The following SH3KBP1 variants were observed in gnomAD, a reference collection of about 807,000 sequenced individuals.
SH3KBP1 encodes the protein SH3 domain-containing kinase-binding protein 1.
A neutral mutation model predicts 50.1 loss-of-function variants in SH3KBP1; 8 were observed. That is an observed-to-expected ratio of 0.16 (90% CI 0.09 to 0.29). The LOEUF (loss-of-function observed/expected upper bound fraction) is 0.29. Among genes scored for constraint, SH3KBP1 ranks in the 10% least tolerant of loss-of-function variants. The pLI, the probability that SH3KBP1 is intolerant of heterozygous loss-of-function variation, is 1.00. For synonymous variants in SH3KBP1, 227 were observed against 218.6 expected, an observed-to-expected ratio of 1.04 and a Z score of -0.34; for missense variants, 377 against 535.2, an observed-to-expected ratio of 0.70 and a Z score of 2.92.
intron 13 of SH3KBP1, among the ~76,000 whole-genome samples, chrX:19,567,017 C>G (rs1175714900): frequency 1.8e-5 from 2 of 110,587 alleles, no homozygotes; most frequent in Non-Finnish European, 3.8e-5. Flanking sequence ...CATCGCACAT[C>G]TGTTTCTAAA....
intron 2 of SH3KBP1, among the ~76,000 whole-genome samples, chrX:19,749,952 C>T (rs2065015727): frequency 8.9e-6 from 1 of 112,051 alleles, no homozygotes; most frequent in African/African-American, 3.2e-5. Context: ...CACTATGGCC[C>T]TACTCAGACA....
At chrX:19,586,015 G>A (rs774932543) in intron 12 of SH3KBP1, among the ~76,000 whole-genome samples, 7 of 112,045 alleles carry the variant, frequency 6.2e-5, no homozygotes, top group South Asian at 3.7e-4. Context: ...CAGATGGCAC[G>A]CACTGTTAAG....
At chrX:19,818,849 A>G (rs1226047219) in intron 2 of SH3KBP1, among the ~76,000 whole-genome samples, 1 of 111,364 alleles carries the variant, frequency 9.0e-6, no homozygotes, top group African/African-American at 3.3e-5. Flanking sequence ...TTTTGTGTCT[A>G]TGTTCTTGAG....
chrX:19,886,287 C>T (rs1014534286), intron 1 of SH3KBP1, among the ~76,000 whole-genome samples: 1 of 112,336 alleles, frequency 8.9e-6, no homozygotes, highest in African/African-American at 3.2e-5. Flanking sequence ...ATTACCTGAA[C>T]ACAGAAAGGT....
At chrX:19,641,271 C>T (rs1427092121) in intron 7 of SH3KBP1, among the ~76,000 whole-genome samples, 1 of 112,030 alleles carries the variant, frequency 8.9e-6, no homozygotes, top group Non-Finnish European at 1.9e-5. Context: ...ACTCAGACTC[C>T]AGAACATGCT....
rs754009414 is a variant in SH3KBP1 at position 19,761,206 on chromosome X, G to C, written c.163-14765C>G. On this transcript the variant is annotated intron_variant, in intron 2 of 17. Transcript: ENST00000397821. Reference sequence around the variant, plus strand: ...GAGAAGAAAACAAGGAGGAGGGAGGGGGGGAAGAGAGAGAGGGAGGGAGAG... The same window carrying C: ...GAGAAGAAAACAAGGAGGAGGGAGGCGGGGAAGAGAGAGAGGGAGGGAGAG... 1.2e-3 allele frequency among the ~76,000 whole-genome samples: 84 copies of C among 69,338 alleles called. 1 individual carries two copies. The highest frequency in any genetic ancestry group is 4.3e-3 in the African/African-American group (80 of 18,479). The allele number at this position is 69,338 out of a possible 115,157, so 60.2% of individuals were successfully genotyped here.
intron 12 of SH3KBP1, among the ~76,000 whole-genome samples, chrX:19,583,629 C>T (rs2147936923): frequency 9.1e-6 from 1 of 109,830 alleles, no homozygotes; most frequent in East Asian, 2.8e-4. Context: ...TGTGCGTTTC[C>T]ACTTGCTCAG....
At chrX:19,656,232 A>G (rs1020787835) in intron 6 of SH3KBP1, among the ~76,000 whole-genome samples, 4 of 111,582 alleles carry the variant, frequency 3.6e-5, no homozygotes, top group Non-Finnish European at 7.5e-5. Context: ...AAAAGCAACC[A>G]GTAGTGATGA....
chrX:19,704,334 C>T (rs1159733926), intron 4 of SH3KBP1, among the ~76,000 whole-genome samples: 1 of 112,355 alleles, frequency 8.9e-6, no homozygotes, highest in African/African-American at 3.2e-5. Flanking sequence ...AAGCAATCAA[C>T]GTTCAGTTTC....
At chrX:19,778,096 T>C (rs763485718) in intron 2 of SH3KBP1, among the ~76,000 whole-genome samples, 3 of 111,286 alleles carry the variant, frequency 2.7e-5, no homozygotes, top group Non-Finnish European at 3.8e-5. Context: ...GGAAACACTA[T>C]AGCAGTGGAA....
chrX:19,778,982 A>T (rs992751065), intron 2 of SH3KBP1, among the ~76,000 whole-genome samples: 1 of 109,178 alleles, frequency 9.2e-6, no homozygotes, highest in Non-Finnish European at 1.9e-5. Flanking sequence ...ATTTTGTTCA[A>T]CAATGAAACC....
chrX:19,769,039 G>T (rs2065703143), intron 2 of SH3KBP1, among the ~76,000 whole-genome samples: 1 of 106,395 alleles, frequency 9.4e-6, no homozygotes. Flanking sequence ...CTTTATAATA[G>T]CATATTGAGC....
chrX:19,655,808 G>A (rs2062265088), intron 6 of SH3KBP1, among the ~76,000 whole-genome samples: 1 of 111,091 alleles, frequency 9.0e-6, no homozygotes, highest in Non-Finnish European at 1.9e-5. Flanking sequence ...ATGTACCCCC[G>A]ACCCTAAAAT....
At chrX:19,873,830 C>G (rs1399912707) in intron 1 of SH3KBP1, among the ~76,000 whole-genome samples, 1 of 107,423 alleles carries the variant, frequency 9.3e-6, no homozygotes, top group Non-Finnish European at 1.9e-5. Flanking sequence ...GGGTGGATCA[C>G]TTGAGGCCAG....
chrX:19,553,659 T>G (rs2065307799), intron 13 of SH3KBP1, among the ~76,000 whole-genome samples: 1 of 105,523 alleles, frequency 9.5e-6, no homozygotes, highest in Non-Finnish European at 1.9e-5. Flanking sequence ...GAAGGCAGAA[T>G]GGCCCATTCT....
At chrX:19,605,315 T>C (rs992850611) in intron 9 of SH3KBP1, among the ~76,000 whole-genome samples, 10 of 111,822 alleles carry the variant, frequency 8.9e-5, no homozygotes, top group African/African-American at 3.3e-4. Context: ...ATTAGCTAGA[T>C]TCAGTCATTC....
chrX:19,831,192 G>A (rs934796544), intron 2 of SH3KBP1, among the ~76,000 whole-genome samples: 1 of 111,792 alleles, frequency 8.9e-6, no homozygotes, highest in Non-Finnish European at 1.9e-5. Context: ...CGAGGCGGGA[G>A]GATCACTTGA....
At chrX:19,848,446 A>AAGAC (rs1446976662) in intron 1 of SH3KBP1, among the ~76,000 whole-genome samples, 1 of 112,773 alleles carries the variant, frequency 8.9e-6, no homozygotes, top group African/African-American at 3.2e-5. Flanking sequence ...ACTGGATTGA[A>AAGAC]AGACATCAAA....
chrX:19,774,442 C>T (rs1048937996), intron 2 of SH3KBP1, among the ~76,000 whole-genome samples: 4 of 110,033 alleles, frequency 3.6e-5, no homozygotes, highest in Non-Finnish European at 7.6e-5. Flanking sequence ...GAGGCTGAGG[C>T]GGGCGGATCA....
Sources: gnomAD v4.1 joint callset for allele counts (sites outside exome capture counted in the v4.1 genomes callset) on GRCh38, gnomAD v4.1.1 for gene constraint, MANE v1.5 for transcripts, NCBI Gene and HGNC (gene_info 2026-07-23, HGNC 2026-07-21) for gene names.